Variants in BRAF observed in about 807,000 individuals in gnomAD.
BRAF encodes serine/threonine-protein kinase B-raf.
A neutral mutation model predicts 104.6 loss-of-function variants in BRAF; 16 were observed. The observed-to-expected ratio is 0.15, with a 90% CI of 0.10 to 0.23. BRAF has a LOEUF of 0.23. Among genes scored for constraint, BRAF ranks in the 10% least tolerant of loss-of-function variants. BRAF has a pLI of 1.00. For synonymous variants in BRAF, 310 were observed against 341.6 expected, an observed-to-expected ratio of 0.91 and a Z score of 1.02; for missense variants, 541 against 937.3, an observed-to-expected ratio of 0.58 and a Z score of 5.52.
intron 12 of BRAF, among the ~76,000 whole-genome samples, chr7:140,779,093 T>A (rs891990412): frequency 1.3e-5 from 2 of 152,110 alleles, no homozygotes; most frequent in Non-Finnish European, 2.9e-5. Flanking sequence ...TTATAAACAA[T>A]GTTGAGTGAA....
chr7:140,724,137 A>T lies in BRAF; in HGVS notation c.*2357T>A. On this transcript the variant is annotated 3_prime_UTR_variant, in exon 20 of 20. Transcript: ENST00000644969. ...TATTCTAAAATGCAAGGGAAGAAAA[A>T]GTGTATCACCCTGAATATTGTTTAA... is the stretch of plus-strand genomic sequence containing the variant. The T allele has an allele frequency of 9.5e-7, 1 of 1,054,050 alleles. No individual in the cohort carries two copies. Among genetic ancestry groups the T allele is most frequent in the East Asian group, 5.3e-5 (1 of 18,806 alleles). The allele number at this position is 1,054,050 out of a possible 1,614,324, so 65.3% of individuals were successfully genotyped here.
intron 1 of BRAF, among the ~76,000 whole-genome samples, chr7:140,920,242 TAAC>T (rs1345262109): frequency 3.3e-5 from 5 of 152,170 alleles, no homozygotes; most frequent in Admixed American, 2.0e-4. Context: ...TCAGCTAAAT[TAAC>T]AACATCAAAG....
chr7:140,757,919 C>G (rs1164805983), intron 14 of BRAF, among the ~76,000 whole-genome samples: 1 of 152,192 alleles, frequency 6.6e-6, no homozygotes, highest in Non-Finnish European at 1.5e-5. Context: ...CATGTTACAT[C>G]ACTTGATCTT....
intron 3 of BRAF, among the ~76,000 whole-genome samples, chr7:140,814,876 AGTT>A (rs1804699470): frequency 6.7e-6 from 1 of 148,174 alleles, no homozygotes; most frequent in South Asian, 2.1e-4. Flanking sequence ...TTAAAAAAAC[AGTT>A]GTTCTAAAAT....
At chr7:140,737,148 C>G (rs1354408041) in intron 18 of BRAF, among the ~76,000 whole-genome samples, 1 of 151,960 alleles carries the variant, frequency 6.6e-6, no homozygotes, top group Non-Finnish European at 1.5e-5. Context: ...CTAACTTAAT[C>G]TTAATGTCTT....
At chr7:140,761,739 C>A (rs1228086559) in intron 14 of BRAF, among the ~76,000 whole-genome samples, 3 of 152,116 alleles carry the variant, frequency 2.0e-5, no homozygotes, top group African/African-American at 7.2e-5. Context: ...GGTTGCAATC[C>A]TAGTCTCTGA....
chr7:140,921,544 C>T (rs1451917922), intron 1 of BRAF, among the ~76,000 whole-genome samples: 6 of 151,890 alleles, frequency 4.0e-5, no homozygotes, highest in Non-Finnish European at 7.4e-5. Flanking sequence ...TTAAATAAAT[C>T]ACAGTATGTC....
At chr7:140,821,627 T>C (rs1805497748) in intron 3 of BRAF, among the ~76,000 whole-genome samples, 1 of 152,080 alleles carries the variant, frequency 6.6e-6, no homozygotes, top group African/African-American at 2.4e-5. Flanking sequence ...GCTTGTACAC[T>C]GTTGGTGGGA....
intron 1 of BRAF, among the ~76,000 whole-genome samples, chr7:140,900,021 A>G (rs1815420738): frequency 1.3e-5 from 2 of 152,268 alleles, no homozygotes; most frequent in African/African-American, 2.4e-5. Flanking sequence ...TCAAGCCTTC[A>G]AATGACTGCA....
chr7:140,721,257 T>C lies in BRAF; in HGVS notation c.*5237A>G. ...GTTGTGGATGTTAAATAAAAGTACT[T>C]TAGTCACTCATTGAGTTGCCGACTA... is the stretch of plus-strand genomic sequence containing the variant. On this transcript the variant is annotated 3_prime_UTR_variant, in exon 20 of 20. Transcript: ENST00000644969. 1 of 1,117,204 alleles carries C rather than the reference T, an allele frequency of 9.0e-7. No individual in the cohort carries two copies. The highest frequency in any genetic ancestry group is 1.6e-5 in the African/African-American group (1 of 62,530). 69.2% of individuals were successfully genotyped at this position (1,117,204 alleles called of 1,614,324 possible).
At chr7:140,776,804 T>C in intron 14 of BRAF, 108 bp downstream of exon 13, 1 of 1,090,494 alleles carries the variant, frequency 9.2e-7, no homozygotes. Flanking sequence ...CTTATGTTCC[T>C]GGACAGTAAT....
At chr7:140,823,998 T>C (rs971685059) in intron 3 of BRAF, 4 of 152,204 alleles carry the variant, frequency 2.6e-5, no homozygotes, top group African/African-American at 9.7e-5. Flanking sequence ...GCCCATTTTT[T>C]AACAAGGTTG....
At chr7:140,759,884 G>T (rs10271621) in intron 14 of BRAF, among the ~76,000 whole-genome samples, 1,841 of 152,256 alleles carry the variant, frequency 0.012, 36 homozygotes, top group African/African-American at 0.041. Flanking sequence ...GTCTGGGGTG[G>T]TATCTAAAAC....
intron 10 of BRAF, chr7:140,783,571 A>T (rs920269510): frequency 8.7e-6 from 2 of 231,164 alleles, no homozygotes; most frequent in Non-Finnish European, 1.7e-5. Flanking sequence ...TATTACCTCA[A>T]CAGCCAATCA....
At chr7:140,739,321 T>C (rs1171057636) in intron 18 of BRAF, among the ~76,000 whole-genome samples, 1 of 152,216 alleles carries the variant, frequency 6.6e-6, no homozygotes, top group African/African-American at 2.4e-5. Flanking sequence ...AATCCAGCTG[T>C]CTTCTTTTTG....
intron 8 of BRAF, among the ~76,000 whole-genome samples, chr7:140,789,801 G>C (rs1000127310): frequency 6.6e-6 from 1 of 152,226 alleles, no homozygotes; most frequent in Non-Finnish European, 1.5e-5. Flanking sequence ...CACGATCTTA[G>C]CTCACTGCAA....
intron 1 of BRAF, among the ~76,000 whole-genome samples, chr7:140,891,551 G>A (rs924636070): frequency 6.6e-6 from 1 of 152,098 alleles, no homozygotes; most frequent in African/African-American, 2.4e-5. Context: ...GCAGTTGGGT[G>A]AATCCTAGGA....
chr7:140,777,149 A>G (rs1382165415), intron 13 of BRAF, 61 bp from the exon 13 acceptor site: 1 of 1,548,518 alleles, frequency 6.5e-7, no homozygotes, highest in Non-Finnish European at 8.9e-7. Context: ...ATTCTTACAA[A>G]AGAGAACCAA....
chr7:140,864,717 A>G (rs1810757148), intron 1 of BRAF, among the ~76,000 whole-genome samples: 1 of 152,246 alleles, frequency 6.6e-6, no homozygotes, highest in East Asian at 1.9e-4. Flanking sequence ...AAAGGTAGGA[A>G]TTGTATATCT....
Sources: allele counts gnomAD v4.1 joint callset (sites outside exome capture counted in the v4.1 genomes callset), GRCh38; gene constraint gnomAD v4.1.1; transcripts MANE v1.5; gene names NCBI Gene and HGNC (gene_info 2026-07-23, HGNC 2026-07-21).